Variants in PLPPR1 observed in about 807,000 individuals in gnomAD.
PLPPR1 encodes the protein phospholipid phosphatase related 1, also known as phospholipid phosphatase-related protein type 1.
PLPPR1 carries 10 observed loss-of-function variants against 33.1 expected under a neutral mutation model. That is an observed-to-expected ratio of 0.30 (90% CI 0.19 to 0.51). The LOEUF (loss-of-function observed/expected upper bound fraction) is 0.51, where lower values mean the gene tolerates loss of function less well. Ranked by LOEUF, PLPPR1 falls within the 20% of genes least tolerant of loss-of-function variation. PLPPR1 has a pLI of 0.97. For missense variants in PLPPR1, 304 were observed against 408.1 expected, an observed-to-expected ratio of 0.74 and a Z score of 2.20; for synonymous variants, 151 against 151.0, an observed-to-expected ratio of 1.00 and a Z score of 0.00.
intron 1 of PLPPR1, among the ~76,000 whole-genome samples, chr9:101,139,469 A>G (rs1353812270): frequency 6.6e-6 from 1 of 152,194 alleles, no homozygotes; most frequent in Non-Finnish European, 1.5e-5. Context: ...TGTTTACTCT[A>G]TAGACATTTA....
chr9:101,158,109 G>A (rs1282520773), intron 1 of PLPPR1, among the ~76,000 whole-genome samples: 5 of 152,128 alleles, frequency 3.3e-5, no homozygotes, highest in Non-Finnish European at 7.4e-5. Context: ...TAAACTAGGG[G>A]CAGAAAAGTG....
rs569019402 is a variant in PLPPR1 at position 101,317,337 on chromosome 9, C to G, written c.814-28C>G. The G allele has an allele frequency of 1.2e-5, 20 of 1,607,194 alleles. No homozygotes were observed. The South Asian group carries it at 2.1e-4, about 17-fold the overall frequency. On this transcript the variant is annotated intron_variant, in intron 6 of 7. Coordinates refer to ENST00000374874, the MANE Select transcript of PLPPR1 (RefSeq NM_207299.2). ...AGGCATTGATGGCTGCAGTCTGACC[C>G]CATTCTTTTTTCCCCCTCATCCTGC...
intron 4 of PLPPR1, among the ~76,000 whole-genome samples, chr9:101,293,163 A>C (rs1196720368): frequency 3.3e-5 from 5 of 151,934 alleles, no homozygotes; most frequent in Non-Finnish European, 5.9e-5. Context: ...CTAGTCTCTG[A>C]TAAAACAGAC....
rs79189873 is a variant in PLPPR1 at position 101,109,225 on chromosome 9, C to T, written c.-45-76225C>T. ...TCCTGACGTCACGATCCGCCGGCCT[C>T]GGCCTCCCAAAGTGCTGGGATTACA... On this transcript the variant is annotated intron_variant, in intron 1 of 7. Transcript: ENST00000374874. Among the ~76,000 whole-genome samples the T allele has an allele frequency of 4.0e-3, 595 of 150,312 alleles. 3 individuals are homozygous for T. The highest frequency in any genetic ancestry group is 0.013 in the African/African-American group (535 of 40,766).
intron 7 of PLPPR1, among the ~76,000 whole-genome samples, chr9:101,318,586 A>G (rs1281033760): frequency 6.6e-6 from 1 of 152,184 alleles, no homozygotes; most frequent in East Asian, 1.9e-4. Context: ...AGACTGGGCA[A>G]CATGGCAAAA....
At chr9:101,040,339 C>T (rs1214270598) in intron 1 of PLPPR1, among the ~76,000 whole-genome samples, 1 of 152,050 alleles carries the variant, frequency 6.6e-6, no homozygotes, top group Non-Finnish European at 1.5e-5. Context: ...TGTTAAGAAT[C>T]CCAGCCACTT....
intron 4 of PLPPR1, among the ~76,000 whole-genome samples, chr9:101,299,597 T>G (rs961581996): frequency 6.8e-6 from 1 of 147,856 alleles, no homozygotes; most frequent in African/African-American, 2.6e-5. Flanking sequence ...AGGAAAGTTA[T>G]TGAGTCATAT....
chr9:101,215,248 G>GGCAGCAACATTGT (rs1371417775), intron 2 of PLPPR1, among the ~76,000 whole-genome samples: 4 of 152,054 alleles, frequency 2.6e-5, no homozygotes, highest in Non-Finnish European at 5.9e-5. Flanking sequence ...AACGTAGGCA[G>GGCAGCAACATTGT]GCAGCAACAT....
intron 2 of PLPPR1, among the ~76,000 whole-genome samples, chr9:101,200,307 C>G (rs1826469631): frequency 6.6e-6 from 1 of 152,018 alleles, no homozygotes; most frequent in Non-Finnish European, 1.5e-5. Context: ...ATTAATGGAC[C>G]TCATTGGCTT....
At chr9:101,159,164 T>A (rs1270067193) in intron 1 of PLPPR1, among the ~76,000 whole-genome samples, 1 of 152,176 alleles carries the variant, frequency 6.6e-6, no homozygotes, top group Non-Finnish European at 1.5e-5. Flanking sequence ...AATCAGTGAA[T>A]TAATCTAGGT....
intron 2 of PLPPR1, among the ~76,000 whole-genome samples, chr9:101,221,333 G>A (rs1826933294): frequency 6.6e-6 from 1 of 152,106 alleles, no homozygotes; most frequent in South Asian, 2.1e-4. Context: ...GAAACTCCTT[G>A]AGATAAGTGT....
At chr9:101,281,534 C>T (rs1421833853) in intron 3 of PLPPR1, among the ~76,000 whole-genome samples, 1 of 151,980 alleles carries the variant, frequency 6.6e-6, no homozygotes, top group African/African-American at 2.4e-5. Flanking sequence ...ATAACCAATA[C>T]AGCATGGTGC....
intron 1 of PLPPR1, among the ~76,000 whole-genome samples, chr9:101,166,019 A>C (rs1314220751): frequency 6.6e-6 from 1 of 152,164 alleles, no homozygotes; most frequent in Non-Finnish European, 1.5e-5. Context: ...AATAAAAGCA[A>C]ATCAGATCAT....
intron 1 of PLPPR1, among the ~76,000 whole-genome samples, chr9:101,170,040 G>T (rs778948780): frequency 2.0e-5 from 3 of 151,922 alleles, no homozygotes; most frequent in Non-Finnish European, 4.4e-5. Flanking sequence ...TAGGGCCAAT[G>T]TAGAATCAAA....
chr9:101,319,137 A>G (rs1243879095), intron 7 of PLPPR1, among the ~76,000 whole-genome samples: 1 of 152,196 alleles, frequency 6.6e-6, no homozygotes, highest in African/African-American at 2.4e-5. Flanking sequence ...CTATTTAACG[A>G]TTATTAACTA....
At chr9:101,254,518 G>A (rs1194049787) in intron 2 of PLPPR1, among the ~76,000 whole-genome samples, 2 of 152,126 alleles carry the variant, frequency 1.3e-5, no homozygotes, top group African/African-American at 4.8e-5. Flanking sequence ...TCAGGCCACA[G>A]ACCAGGGGGG....
chr9:101,038,810 C>T (rs1830042608), intron 1 of PLPPR1, among the ~76,000 whole-genome samples: 2 of 152,142 alleles, frequency 1.3e-5, no homozygotes, highest in Admixed American at 6.5e-5. Flanking sequence ...ATCCTCCCGC[C>T]CATCCCTGCC....
intron 1 of PLPPR1, among the ~76,000 whole-genome samples, chr9:101,166,562 G>A (rs555240491): frequency 6.6e-6 from 1 of 152,208 alleles, no homozygotes; most frequent in East Asian, 1.9e-4. Flanking sequence ...AAGATACAGA[G>A]TAAGTATCAG....
intron 1 of PLPPR1, among the ~76,000 whole-genome samples, chr9:101,040,321 G>A (rs191254900): frequency 1.3e-5 from 2 of 152,214 alleles, no homozygotes; most frequent in East Asian, 3.9e-4. Flanking sequence ...ATGGAACTGA[G>A]GTGTGAATGT....
Sources: gnomAD v4.1 joint callset for allele counts (sites outside exome capture counted in the v4.1 genomes callset) on GRCh38, gnomAD v4.1.1 for gene constraint, MANE v1.5 for transcripts, NCBI Gene and HGNC (gene_info 2026-07-23, HGNC 2026-07-21) for gene names.